Variants in NCOA2 observed in about 807,000 individuals in gnomAD.
NCOA2 encodes class E basic helix-loop-helix protein 75.
A neutral mutation model predicts 145.1 loss-of-function variants in NCOA2; 21 were observed. The ratio of observed to expected loss-of-function variants is 0.14; its 90% CI spans 0.10 to 0.21. The LOEUF (loss-of-function observed/expected upper bound fraction) is 0.21, where lower values mean the gene tolerates loss of function less well. NCOA2 is among the 10% of genes least tolerant of loss of function. The pLI is 1.00. For synonymous variants in NCOA2, 619 were observed against 637.5 expected (o/e 0.97, Z 0.44); for missense variants, 1,472 against 1,837.6 (o/e 0.80, Z 3.64).
At chr8:70,130,419 G>A (rs140965072) in intron 16 of NCOA2, among the ~76,000 whole-genome samples, 144 of 152,206 alleles carry the variant, frequency 9.5e-4, no homozygotes, top group African/African-American at 3.3e-3. Context: ...GCAACTCCAC[G>A]GATCACATTT....
At chr8:70,194,676 CTT>C (rs199803538) in intron 4 of NCOA2, among the ~76,000 whole-genome samples, 1,161 of 109,864 alleles carry the variant, frequency 0.011, 19 homozygotes, top group African/African-American at 0.032. Flanking sequence ...CTTTTATCTT[CTT>C]TTTTTTTTTT....
intron 1 of NCOA2, among the ~76,000 whole-genome samples, chr8:70,306,956 C>G (rs1827942761): frequency 6.6e-6 from 1 of 152,056 alleles, no homozygotes; most frequent in Non-Finnish European, 1.5e-5. Flanking sequence ...GGAAGAAATA[C>G]CAACTGAATC....
chr8:70,394,903 C>T (rs1813519851), intron 1 of NCOA2, among the ~76,000 whole-genome samples: 1 of 152,204 alleles, frequency 6.6e-6, no homozygotes, highest in East Asian at 1.9e-4. Flanking sequence ...TCAGCCAATA[C>T]CTCACCACTC....
intron 2 of NCOA2, among the ~76,000 whole-genome samples, chr8:70,227,265 T>C (rs770901038): frequency 2.0e-4 from 30 of 152,260 alleles, no homozygotes; most frequent in Non-Finnish European, 3.2e-4. Flanking sequence ...GTTCTTTACC[T>C]CAATCAAACA....
chr8:70,217,650 G>A (rs1299697909), intron 2 of NCOA2, among the ~76,000 whole-genome samples: 1 of 152,072 alleles, frequency 6.6e-6, no homozygotes, highest in Non-Finnish European at 1.5e-5. Flanking sequence ...AAATCAGTGT[G>A]CTCGTCATCA....
At chr8:70,363,638 G>A (rs1488709054) in intron 1 of NCOA2, among the ~76,000 whole-genome samples, 3 of 152,042 alleles carry the variant, frequency 2.0e-5, no homozygotes, top group East Asian at 1.9e-4. Context: ...ACACCCAACA[G>A]CCAGACTCAA....
chr8:70,121,456 A>T (rs1347767896), intron 21 of NCOA2, 65 bp from the exon 22 acceptor site: 2 of 1,279,554 alleles, frequency 1.6e-6, no homozygotes, highest in Admixed American at 1.9e-5. Context: ...ACTGGAAAAC[A>T]AGTGGCCGCC....
Position 70,287,252 on chromosome 8 carries a change from T to TATTA in NCOA2, c.-20+9488_-20+9491dup, listed in dbSNP as rs59932009. 3.3e-3 allele frequency among the ~76,000 whole-genome samples: 496 copies of TATTA among 151,712 alleles called. 2 individuals carry two copies. Among genetic ancestry groups the TATTA allele is most frequent in the African/African-American group, 7.8e-3 (319 of 41,112 alleles). ...GAGCAAGATCCTGTCTCAAAAAATA[T>TATTA]ATTAATTAATTAATTAATTAATTAG... On this transcript the variant is annotated intron_variant, in intron 2 of 22. Coordinates refer to ENST00000452400, the MANE Select transcript of NCOA2 (RefSeq NM_006540.4).
At chr8:70,219,856 G>A (rs1463361676) in intron 2 of NCOA2, among the ~76,000 whole-genome samples, 1 of 152,130 alleles carries the variant, frequency 6.6e-6, no homozygotes, top group Non-Finnish European at 1.5e-5. Context: ...GGCAGCAAGT[G>A]TCAGTATTTC....
At chr8:70,208,859 G>A (rs1242748002) in intron 4 of NCOA2, among the ~76,000 whole-genome samples, 1 of 152,222 alleles carries the variant, frequency 6.6e-6, no homozygotes, top group East Asian at 1.9e-4. Context: ...CTGTGATGAA[G>A]ATGTACAAGG....
chr8:70,233,950 CCAT>C (rs1563659437), intron 2 of NCOA2, among the ~76,000 whole-genome samples: 1 of 152,108 alleles, frequency 6.6e-6, no homozygotes, highest in Non-Finnish European at 1.5e-5. Context: ...GAAACCATCA[CCAT>C]ATGTAATTCC....
intron 11 of NCOA2, among the ~76,000 whole-genome samples, chr8:70,151,292 CT>C (rs148583371): frequency 1.8e-3 from 264 of 144,416 alleles, no homozygotes; most frequent in Non-Finnish European, 2.2e-3. Context: ...CACACTTTTC[CT>C]TTTTTTTTTT....
intron 2 of NCOA2, among the ~76,000 whole-genome samples, chr8:70,295,253 A>C (rs560652995): frequency 2.0e-4 from 30 of 152,348 alleles, no homozygotes; most frequent in African/African-American, 7.0e-4. Flanking sequence ...ACATTTCCCC[A>C]ACCTAGAAAC....
Position 70,148,384 on chromosome 8 carries a change from C to T in NCOA2, c.2494G>A (p.Gly832Arg). ...FPDTRPGAPA[G>R]SVDKQAIIND... Reference sequence around the variant, plus strand: ...ATGATGGCTTGCTTGTCAACTGATCCAGCAGGGGCGCCTGGCCTCGTGTCT... The same window carrying T: ...ATGATGGCTTGCTTGTCAACTGATCTAGCAGGGGCGCCTGGCCTCGTGTCT... Residue 832 changes from glycine (G) to arginine (R), a missense_variant, in exon 12 of 23, where the codon GGA (glycine) becomes AGA (arginine). Physicochemically the swap from Gly to Arg is moderately radical, Grantham distance 125 (BLOSUM62 -2). This residue lies in a region of NCOA2 where 953 missense variants were observed against 1,062.1 expected (regional missense o/e 0.90). Transcript: ENST00000452400. 1 of 1,613,948 alleles carries T rather than the reference C, an allele frequency of 6.2e-7. No individual in the cohort carries two copies. Among genetic ancestry groups the T allele is most frequent in the Non-Finnish European group, 8.5e-7 (1 of 1,179,868 alleles).
At chr8:70,125,562 TTTAAA>T (rs1168380130) in intron 19 of NCOA2, among the ~76,000 whole-genome samples, 1 of 152,314 alleles carries the variant, frequency 6.6e-6, no homozygotes, top group Admixed American at 6.5e-5. Flanking sequence ...GGCCAGATTG[TTTAAA>T]TTAAATTTAA....
Position 70,279,660 on chromosome 8 carries a change from C to T in NCOA2, c.-20+17084G>A, listed in dbSNP as rs776653317. Among the ~76,000 whole-genome samples the T allele has an allele frequency of 2.6e-5, 4 of 152,200 alleles. No homozygotes were observed. The South Asian group carries it at 8.3e-4, about 31-fold the overall frequency. ...CCAAAATGCTGTGCCTTAATTTCAG[C>T]CCCCTGGCAAGATTGGCTCAGGAAC... is the stretch of plus-strand genomic sequence containing the variant. On this transcript the variant is annotated intron_variant, in intron 2 of 22. Coordinates refer to ENST00000452400, the MANE Select transcript of NCOA2 (RefSeq NM_006540.4).
At chr8:70,195,658 G>C (rs1245976321) in intron 4 of NCOA2, among the ~76,000 whole-genome samples, 1 of 152,126 alleles carries the variant, frequency 6.6e-6, no homozygotes, top group Non-Finnish European at 1.5e-5. Context: ...CAAGCAGATT[G>C]TTAGACCAAA....
intron 9 of NCOA2, among the ~76,000 whole-genome samples, chr8:70,161,763 T>A (rs778577653): frequency 6.6e-6 from 1 of 151,976 alleles, no homozygotes; most frequent in Non-Finnish European, 1.5e-5. Context: ...ACTGCATGAG[T>A]CCCTCACGTG....
At chr8:70,411,835 G>A in the NCOA2 span, among the ~76,000 whole-genome samples, 11 of 152,144 alleles carry the variant, frequency 7.2e-5, 1 homozygote, top group South Asian at 2.1e-4. Context: ...AGGTAGGTGC[G>A]GCCTAGGAAG....
Sources: allele counts gnomAD v4.1 joint callset (sites outside exome capture counted in the v4.1 genomes callset), GRCh38; gene constraint gnomAD v4.1.1; regional missense constraint gnomAD v4.1.1; transcripts MANE v1.5; gene names NCBI Gene and HGNC (gene_info 2026-07-23, HGNC 2026-07-21).